GRM7: variants seen among roughly 807,000 people sequenced by gnomAD.
GRM7 encodes glutamate metabotropic receptor 7.
In GRM7, 35 loss-of-function variants were observed where a neutral mutation model predicts 84.5. That is an observed-to-expected ratio of 0.41 (90% CI 0.32 to 0.55). The LOEUF is 0.55. Among genes scored for constraint, GRM7 ranks in the 20% least tolerant of loss-of-function variants. The pLI, the probability that GRM7 is intolerant of heterozygous loss-of-function variation, is 0.19. For synonymous variants in GRM7, 487 were observed against 455.1 expected, an observed-to-expected ratio of 1.07 and a Z score of -0.89; for missense variants, 1,003 against 1,194.6, an observed-to-expected ratio of 0.84 and a Z score of 2.36.
At chr3:6,964,738 G>T (rs898820508) in intron 1 of GRM7, among the ~76,000 whole-genome samples, 1 of 152,044 alleles carries the variant, frequency 6.6e-6, no homozygotes, top group Admixed American at 6.6e-5. Context: ...TGACATATTT[G>T]CAATTTTTTA....
chr3:7,489,379 A>AC (rs745933766), intron 7 of GRM7, among the ~76,000 whole-genome samples: 38 of 152,172 alleles, frequency 2.5e-4, no homozygotes, highest in Non-Finnish European at 4.6e-4. Context: ...CTTGGGATAC[A>AC]CATTGTTATT....
chr3:6,904,984 G>T (rs976109065), intron 1 of GRM7, among the ~76,000 whole-genome samples: 1 of 151,962 alleles, frequency 6.6e-6, no homozygotes, highest in African/African-American at 2.4e-5. Flanking sequence ...TGCCCAAATC[G>T]CTGGGATTAG....
At chr3:7,006,261 AG>A (rs1294221675) in intron 1 of GRM7, among the ~76,000 whole-genome samples, 1 of 152,200 alleles carries the variant, frequency 6.6e-6, no homozygotes, top group African/African-American at 2.4e-5. Context: ...AAAACTAATT[AG>A]AATTCTTCTC....
chr3:7,659,723 C>T (rs1473788565), intron 8 of GRM7, among the ~76,000 whole-genome samples: 4 of 152,192 alleles, frequency 2.6e-5, no homozygotes, highest in Non-Finnish European at 5.9e-5. Flanking sequence ...GCTGGCTCCA[C>T]AGCAACAAGG....
chr3:7,690,337 C>A (rs1700752476), intron 9 of GRM7, among the ~76,000 whole-genome samples: 1 of 152,000 alleles, frequency 6.6e-6, no homozygotes, highest in Admixed American at 6.6e-5. Flanking sequence ...GCTCCTGTTA[C>A]CTAGAACTCG....
chr3:7,460,682 A>C (rs979209374), intron 6 of GRM7, among the ~76,000 whole-genome samples: 1 of 152,208 alleles, frequency 6.6e-6, no homozygotes, highest in Admixed American at 6.5e-5. Context: ...GAACTCAGTT[A>C]CTGAATGTTT....
chr3:7,063,468 G>A (rs916951023), intron 1 of GRM7, among the ~76,000 whole-genome samples: 3 of 151,594 alleles, frequency 2.0e-5, no homozygotes, highest in African/African-American at 4.8e-5. Context: ...CCTCAGAGGC[G>A]GCAGTTTAAT....
At chr3:7,705,165 C>T (rs920935411) in intron 9 of GRM7, among the ~76,000 whole-genome samples, 1 of 152,128 alleles carries the variant, frequency 6.6e-6, no homozygotes, top group Non-Finnish European at 1.5e-5. Context: ...ACTCTCCTAC[C>T]CATGTCATCC....
chr3:7,647,860 G>T (rs1036906509), intron 8 of GRM7, among the ~76,000 whole-genome samples: 2 of 152,110 alleles, frequency 1.3e-5, no homozygotes, highest in Non-Finnish European at 2.9e-5. Flanking sequence ...ATGGATTTGA[G>T]GTTAGCAGGA....
chr3:7,147,934 C>T (rs965704659), intron 2 of GRM7, among the ~76,000 whole-genome samples: 4 of 152,146 alleles, frequency 2.6e-5, no homozygotes, highest in African/African-American at 9.7e-5. Flanking sequence ...TCTCCCACAG[C>T]GCCTATCACA....
chr3:7,123,404 A>G (rs1057003623), intron 1 of GRM7, among the ~76,000 whole-genome samples: 2 of 152,188 alleles, frequency 1.3e-5, no homozygotes, highest in Non-Finnish European at 2.9e-5. Context: ...GGATCACCTG[A>G]GGTCAGGAGT....
intron 4 of GRM7, among the ~76,000 whole-genome samples, chr3:7,371,557 G>C (rs946002359): frequency 8.5e-5 from 13 of 152,162 alleles, no homozygotes; most frequent in Admixed American, 6.5e-5. Context: ...TGTTTATAAT[G>C]TGCTAGGGCC....
chr3:7,497,136 T>C (rs998568492), intron 7 of GRM7, among the ~76,000 whole-genome samples: 1 of 150,454 alleles, frequency 6.6e-6, no homozygotes, highest in African/African-American at 2.4e-5. Context: ...ATGAAGTGGC[T>C]CTCTTGGTCA....
intron 1 of GRM7, among the ~76,000 whole-genome samples, chr3:7,117,495 T>C (rs1397923041): frequency 6.6e-6 from 1 of 152,160 alleles, no homozygotes; most frequent in East Asian, 1.9e-4. Context: ...CGTGCTCCAG[T>C]TGGAAGGGGA....
chr3:7,414,107 T>G (rs1005335319), intron 4 of GRM7, among the ~76,000 whole-genome samples: 9 of 152,194 alleles, frequency 5.9e-5, no homozygotes, highest in Non-Finnish European at 1.3e-4. Context: ...ATAAAATACT[T>G]CTTATTTTTG....
chr3:7,314,843 T>G (rs1247834630), intron 4 of GRM7, among the ~76,000 whole-genome samples: 1 of 152,186 alleles, frequency 6.6e-6, no homozygotes, highest in East Asian at 1.9e-4. Flanking sequence ...TTAAAATTTC[T>G]GTTGTCAAAT....
At chr3:7,594,924 C>T (rs868578638) in intron 8 of GRM7, among the ~76,000 whole-genome samples, 8 of 148,678 alleles carry the variant, frequency 5.4e-5, no homozygotes, top group Middle Eastern at 3.5e-3. Flanking sequence ...CCTTCTATTC[C>T]CTAGTCTTCC....
chr3:7,172,110 T>G (rs115658190), intron 2 of GRM7, among the ~76,000 whole-genome samples: 1 of 152,284 alleles, frequency 6.6e-6, no homozygotes, highest in Non-Finnish European at 1.5e-5. Context: ...CACGGGATTT[T>G]CAAAATAATA....
At chr3:7,613,026 T>C (rs890314586) in intron 8 of GRM7, among the ~76,000 whole-genome samples, 1 of 150,946 alleles carries the variant, frequency 6.6e-6, no homozygotes, top group Non-Finnish European at 1.5e-5. Flanking sequence ...ATATATAGTG[T>C]TTCCAAGTCT....
Sources: gnomAD v4.1 joint callset for allele counts (sites outside exome capture counted in the v4.1 genomes callset) on GRCh38, gnomAD v4.1.1 for gene constraint, MANE v1.5 for transcripts, NCBI Gene and HGNC (gene_info 2026-07-23, HGNC 2026-07-21) for gene names.